Variants in RABGAP1L observed in about 807,000 individuals in gnomAD.
RABGAP1L encodes rab GTPase-activating protein 1-like.
Under a neutral mutation model 137.7 loss-of-function variants are expected in RABGAP1L, and 63 were observed. That is an observed-to-expected ratio of 0.46 (90% CI 0.37 to 0.56). The LOEUF (loss-of-function observed/expected upper bound fraction) is 0.56. Among genes scored for constraint, RABGAP1L ranks in the 20% least tolerant of loss-of-function variants. The pLI, the probability that RABGAP1L is intolerant of heterozygous loss-of-function variation, is 0.00. For missense variants in RABGAP1L, 1,095 were observed against 1,244.0 expected (o/e 0.88, Z 1.80); for synonymous variants, 431 against 433.7 (o/e 0.99, Z 0.08).
intron 18 of RABGAP1L, among the ~76,000 whole-genome samples, chr1:174,807,669 C>A (rs1456100698): frequency 1.3e-5 from 2 of 152,170 alleles, no homozygotes; most frequent in Non-Finnish European, 2.9e-5. Context: ...AGAATACTGG[C>A]AGCAAGGTTT....
chr1:174,617,943 C>G (rs770506160), intron 13 of RABGAP1L, among the ~76,000 whole-genome samples: 1 of 152,104 alleles, frequency 6.6e-6, no homozygotes, highest in Non-Finnish European at 1.5e-5. Flanking sequence ...CACTCCCACC[C>G]GAATACTGCA....
intron 19 of RABGAP1L, chr1:174,849,932 C>T: frequency 1.5e-6 from 1 of 671,202 alleles, no homozygotes; most frequent in Non-Finnish European, 2.7e-6. Context: ...CTTTTACCTG[C>T]ATGGAAGACA....
At chr1:174,909,493 C>T (rs914914545) in intron 19 of RABGAP1L, among the ~76,000 whole-genome samples, 2 of 152,088 alleles carry the variant, frequency 1.3e-5, no homozygotes, top group Non-Finnish European at 2.9e-5. Context: ...TCCCAAAATG[C>T]TAGGATTATA....
At chr1:174,569,963 GA>G (rs1667859363) in intron 13 of RABGAP1L, among the ~76,000 whole-genome samples, 1 of 152,208 alleles carries the variant, frequency 6.6e-6, no homozygotes, top group East Asian at 1.9e-4. Flanking sequence ...TGGCTTTTGG[GA>G]AAAAATGATA....
chr1:174,199,807 T>G (rs777363223), intron 1 of RABGAP1L, among the ~76,000 whole-genome samples: 20 of 152,124 alleles, frequency 1.3e-4, no homozygotes, highest in Non-Finnish European at 2.2e-4. Context: ...CATAATGTGG[T>G]TTGGCAAAAT....
chr1:174,246,877 A>G (rs1170445869), intron 5 of RABGAP1L, among the ~76,000 whole-genome samples: 1 of 152,230 alleles, frequency 6.6e-6, no homozygotes, highest in Non-Finnish European at 1.5e-5. Flanking sequence ...GTTTCAGCTT[A>G]TTCACAGACT....
At chr1:174,741,405 C>A (rs1197813079) in intron 17 of RABGAP1L, among the ~76,000 whole-genome samples, 1 of 152,064 alleles carries the variant, frequency 6.6e-6, no homozygotes, top group Non-Finnish European at 1.5e-5. Flanking sequence ...CCTTGTCACC[C>A]AGGCTGGAGT....
rs1420973066 is a variant in RABGAP1L at position 174,807,893 on chromosome 1, TTGAGACCAGCCTG to T, written c.2212-3936_2212-3924del. 1.4e-4 allele frequency among the ~76,000 whole-genome samples: 22 copies of T among 151,768 alleles called. No homozygotes were observed. The East Asian group carries it at 3.3e-3, about 23-fold the overall frequency. ...GGGAGGACTGCTTAAGGCCAGGAGTTTGAGACCAGCCTGTGCAACGTAGCGAGACCCCCATCTC... is the reference window on the plus strand; with the variant it reads ...GGGAGGACTGCTTAAGGCCAGGAGTTTGCAACGTAGCGAGACCCCCATCTC... On this transcript the variant is annotated intron_variant, in intron 18 of 25. Coordinates refer to ENST00000681986, the MANE Select transcript of RABGAP1L (RefSeq NM_001366446.1).
intron 19 of RABGAP1L, among the ~76,000 whole-genome samples, chr1:174,924,035 C>T (rs571284746): frequency 6.6e-6 from 1 of 152,176 alleles, no homozygotes; most frequent in South Asian, 2.1e-4. Flanking sequence ...ACACCTGGTT[C>T]AGGGCTTGTA....
At chr1:174,647,170 T>G (rs2148374728) in intron 14 of RABGAP1L, among the ~76,000 whole-genome samples, 1 of 152,264 alleles carries the variant, frequency 6.6e-6, no homozygotes, top group South Asian at 2.1e-4. Context: ...AAATTTGACT[T>G]CCTCTTTTCC....
intron 19 of RABGAP1L, among the ~76,000 whole-genome samples, chr1:174,925,954 C>A (rs1304129892): frequency 2.1e-5 from 3 of 145,408 alleles, no homozygotes; most frequent in South Asian, 2.2e-4. Context: ...AACCTCTCCT[C>A]CCAGGTTCAA....
intron 13 of RABGAP1L, among the ~76,000 whole-genome samples, chr1:174,399,270 G>C (rs1364417361): frequency 6.6e-6 from 1 of 152,132 alleles, no homozygotes; most frequent in Non-Finnish European, 1.5e-5. Context: ...CTGTAGCCAA[G>C]AGTGTATGTG....
intron 13 of RABGAP1L, among the ~76,000 whole-genome samples, chr1:174,597,843 T>C (rs533833143): frequency 6.6e-6 from 1 of 152,316 alleles, no homozygotes; most frequent in African/African-American, 2.4e-5. Flanking sequence ...TATTGGTGTG[T>C]TGGGTTTCCA....
At chr1:174,444,394 A>G (rs1457715103) in intron 13 of RABGAP1L, among the ~76,000 whole-genome samples, 2 of 151,922 alleles carry the variant, frequency 1.3e-5, no homozygotes, top group Non-Finnish European at 2.9e-5. Flanking sequence ...TTGGCCTCCT[A>G]TAATTTTTTT....
intron 15 of RABGAP1L, 39 bp from the exon 16 acceptor site, chr1:174,699,486 C>T (rs967818338): frequency 5.8e-6 from 9 of 1,562,270 alleles, no homozygotes; most frequent in Admixed American, 5.7e-5. Flanking sequence ...TGGCAAAATG[C>T]CACTTATTTA....
intron 13 of RABGAP1L, among the ~76,000 whole-genome samples, chr1:174,621,826 T>C (rs1183191519): frequency 6.6e-6 from 1 of 152,182 alleles, no homozygotes. Flanking sequence ...CAAAAAGTAA[T>C]GGCAACAAAA....
chr1:174,349,705 C>T (rs1365517191), intron 11 of RABGAP1L, among the ~76,000 whole-genome samples: 13 of 134,952 alleles, frequency 9.6e-5, no homozygotes, highest in East Asian at 2.6e-4. Flanking sequence ...ACCTCCCTCC[C>T]GGACAGGGCG....
At chr1:174,283,819 T>C (rs1390736781) in intron 10 of RABGAP1L, among the ~76,000 whole-genome samples, 1 of 152,212 alleles carries the variant, frequency 6.6e-6, no homozygotes, top group East Asian at 1.9e-4. Flanking sequence ...TAGGAGTTGC[T>C]GTCTTAAGAG....
chr1:174,758,200 T>A (rs1684923928), intron 18 of RABGAP1L, among the ~76,000 whole-genome samples: 1 of 152,084 alleles, frequency 6.6e-6, no homozygotes, highest in Non-Finnish European at 1.5e-5. Context: ...TTTCCCCTTC[T>A]TTTTTTATGT....
Sources: gnomAD v4.1 joint callset for allele counts (sites outside exome capture counted in the v4.1 genomes callset) on GRCh38, gnomAD v4.1.1 for gene constraint, MANE v1.5 for transcripts, NCBI Gene and HGNC (gene_info 2026-07-23, HGNC 2026-07-21) for gene names.